The following SLC2A13 variants were observed in gnomAD, a reference collection of about 807,000 sequenced individuals.
SLC2A13 encodes solute carrier family 2 member 13.
SLC2A13 carries 32 observed loss-of-function variants against 64.4 expected under a neutral mutation model. The observed-to-expected ratio is 0.50, with a 90% CI of 0.37 to 0.67. The LOEUF is 0.67. Ranked by LOEUF, SLC2A13 falls within the 30% of genes least tolerant of loss-of-function variation. The probability of loss-of-function intolerance (pLI) is 0.00; values close to 1 mark genes in which losing one functional copy is unlikely to be tolerated. For synonymous variants in SLC2A13, 338 were observed against 327.1 expected (o/e 1.03, Z -0.36); for missense variants, 743 against 829.2 (o/e 0.90, Z 1.28).
chr12:40,041,221 A>G (rs1948083988), intron 2 of SLC2A13, among the ~76,000 whole-genome samples: 1 of 152,132 alleles, frequency 6.6e-6, no homozygotes, highest in Non-Finnish European at 1.5e-5. Context: ...TATGAAAGTG[A>G]GAGCAAAGGA....
chr12:40,095,890 G>C (rs1042343061), intron 1 of SLC2A13, among the ~76,000 whole-genome samples: 1 of 152,044 alleles, frequency 6.6e-6, no homozygotes, highest in Non-Finnish European at 1.5e-5. Flanking sequence ...TTTTCCTAGG[G>C]AACAACTTAG....
chr12:39,778,929 GT>G (rs1940875795), intron 7 of SLC2A13, among the ~76,000 whole-genome samples: 1 of 152,188 alleles, frequency 6.6e-6, no homozygotes, highest in Non-Finnish European at 1.5e-5. Context: ...TAGGTTAAGA[GT>G]TTAATAATGA....
intron 4 of SLC2A13, among the ~76,000 whole-genome samples, chr12:39,882,176 T>A (rs1232779822): frequency 1.3e-5 from 2 of 152,128 alleles, no homozygotes; most frequent in African/African-American, 4.8e-5. Flanking sequence ...TACTCTATAT[T>A]TCCCAAACCA....
chr12:39,834,761 T>C (rs1942961873), intron 6 of SLC2A13, among the ~76,000 whole-genome samples: 1 of 152,100 alleles, frequency 6.6e-6, no homozygotes, highest in Admixed American at 6.6e-5. Flanking sequence ...TCTTTCATCC[T>C]TGACCTGGAA....
chr12:39,924,726 A>G (rs1945686198), intron 4 of SLC2A13, among the ~76,000 whole-genome samples: 1 of 152,178 alleles, frequency 6.6e-6, no homozygotes, highest in African/African-American at 2.4e-5. Context: ...TATTTAAAAC[A>G]GAGGCAGTAT....
intron 5 of SLC2A13, among the ~76,000 whole-genome samples, chr12:39,866,771 GC>G (rs1338058460): frequency 6.6e-6 from 1 of 152,122 alleles, no homozygotes; most frequent in African/African-American, 2.4e-5. Flanking sequence ...GAGCCACAGC[GC>G]CCGGCCGAAA....
chr12:39,976,457 A>G (rs1228748349), intron 3 of SLC2A13, among the ~76,000 whole-genome samples: 2 of 152,250 alleles, frequency 1.3e-5, no homozygotes, highest in African/African-American at 4.8e-5. Flanking sequence ...ACCATATATG[A>G]ACACATTTAT....
chr12:39,801,738 A>G (rs1294989417), intron 7 of SLC2A13, among the ~76,000 whole-genome samples: 4 of 152,206 alleles, frequency 2.6e-5, no homozygotes, highest in South Asian at 2.1e-4. Context: ...TTCCTCATCT[A>G]TAAAAGGAAA....
At chr12:39,988,277 T>C (rs1947064092) in intron 3 of SLC2A13, among the ~76,000 whole-genome samples, 1 of 152,126 alleles carries the variant, frequency 6.6e-6, no homozygotes, top group South Asian at 2.1e-4. Flanking sequence ...AGTAATCATT[T>C]TTTCATACTT....
intron 3 of SLC2A13, among the ~76,000 whole-genome samples, chr12:39,982,908 C>T (rs1342627877): frequency 5.4e-5 from 7 of 130,342 alleles, no homozygotes; most frequent in Non-Finnish European, 1.2e-4. Flanking sequence ...GGAGGCATCA[C>T]ACTACCTGAC....
At chr12:40,010,450 T>G (rs1431633181) in intron 3 of SLC2A13, among the ~76,000 whole-genome samples, 2 of 152,180 alleles carry the variant, frequency 1.3e-5, no homozygotes, top group African/African-American at 4.8e-5. Flanking sequence ...AAGGCTTTTT[T>G]TTTCTGAGCC....
chr12:39,881,756 G>A (rs965041302), intron 4 of SLC2A13, among the ~76,000 whole-genome samples: 2 of 152,188 alleles, frequency 1.3e-5, no homozygotes, highest in African/African-American at 4.8e-5. Context: ...CTCTGGGCCT[G>A]AGGAGTGGGA....
intron 2 of SLC2A13, among the ~76,000 whole-genome samples, chr12:40,042,186 C>T (rs1488201788): frequency 6.6e-6 from 1 of 151,820 alleles, no homozygotes; most frequent in Non-Finnish European, 1.5e-5. Context: ...CACAACCAGA[C>T]ATTTAACAAA....
intron 1 of SLC2A13, among the ~76,000 whole-genome samples, chr12:40,080,823 T>G (rs1938368321): frequency 6.6e-6 from 1 of 152,258 alleles, no homozygotes; most frequent in Non-Finnish European, 1.5e-5. Context: ...TAAGTGTTTT[T>G]ATAGTGGCAG....
chr12:40,047,112 G>A (rs1048195599), intron 2 of SLC2A13, among the ~76,000 whole-genome samples: 5 of 152,014 alleles, frequency 3.3e-5, no homozygotes, highest in Admixed American at 2.0e-4. Flanking sequence ...ATGTTGGCCA[G>A]GCTGGTCTCA....
intron 7 of SLC2A13, among the ~76,000 whole-genome samples, chr12:39,811,932 A>G (rs1283483497): frequency 6.6e-6 from 1 of 152,156 alleles, no homozygotes; most frequent in Non-Finnish European, 1.5e-5. Context: ...TAAACAATTT[A>G]TTTTAACATA....
chr12:39,905,649 C>A (rs1269165796), intron 4 of SLC2A13, among the ~76,000 whole-genome samples: 1 of 151,944 alleles, frequency 6.6e-6, no homozygotes. Flanking sequence ...AGGATGCTAT[C>A]CTTTAAGACA....
intron 1 of SLC2A13, among the ~76,000 whole-genome samples, chr12:40,069,860 G>A (rs1937884974): frequency 6.6e-6 from 1 of 151,982 alleles, no homozygotes. Context: ...TCAATACTGT[G>A]CACCCCTAAC....
chr12:40,065,983 C>T (rs1323840317), intron 1 of SLC2A13, among the ~76,000 whole-genome samples: 8 of 152,162 alleles, frequency 5.3e-5, no homozygotes, highest in Non-Finnish European at 7.3e-5. Flanking sequence ...GTTTATGTGG[C>T]TAAACAGTCC....
Sources: allele counts gnomAD v4.1 joint callset (sites outside exome capture counted in the v4.1 genomes callset), GRCh38; gene constraint gnomAD v4.1.1; transcripts MANE v1.5; gene names NCBI Gene and HGNC (gene_info 2026-07-23, HGNC 2026-07-21).